Variants in STPG2 observed in about 807,000 individuals in gnomAD.
The protein encoded by STPG2 is sperm-tail PG-rich repeat-containing protein 2.
A neutral mutation model predicts 54.2 loss-of-function variants in STPG2; 56 were observed. The observed-to-expected ratio is 1.03, with a 90% CI of 0.83 to 1.29. The LOEUF is 1.29. Ranked by LOEUF, STPG2 falls within the 50% of genes most tolerant of loss-of-function variation. The probability of loss-of-function intolerance (pLI) is 0.00; values close to 1 mark genes in which losing one functional copy is unlikely to be tolerated. For synonymous variants in STPG2, 200 were observed against 181.8 expected (o/e 1.10, Z -0.81); for missense variants, 596 against 544.9 (o/e 1.09, Z -0.93).
intron 10 of STPG2, among the ~76,000 whole-genome samples, chr4:97,703,982 A>G (rs1723868686): frequency 6.6e-6 from 1 of 151,876 alleles, no homozygotes; most frequent in Non-Finnish European, 1.5e-5. Context: ...GCATGAGAGA[A>G]AGATATAGGC....
rs532021562 is a variant in STPG2, at chr4:97,815,706, G to T, written c.1204+25067C>A. On this transcript the variant is annotated intron_variant, in intron 9 of 10. Coordinates refer to ENST00000295268, the MANE Select transcript of STPG2 (RefSeq NM_174952.3). ...CTGGGAAAAGGTTAGTGCATTTTTG[G>T]TTGTACACAGGATAGCTGCACTATG... 2.6e-5 allele frequency among the ~76,000 whole-genome samples: 4 copies of T among 152,188 alleles called. No individual in the cohort carries two copies. In the South Asian group the frequency reaches 8.3e-4, roughly 32 times the overall value.
chr4:97,748,715 A>G (rs1287098990), intron 9 of STPG2, among the ~76,000 whole-genome samples: 2 of 151,640 alleles, frequency 1.3e-5, no homozygotes, highest in African/African-American at 4.8e-5. Flanking sequence ...ATATTCTAAT[A>G]GAATTTTTAT....
chr4:97,921,567 C>G (rs550191370), intron 8 of STPG2, among the ~76,000 whole-genome samples: 5 of 151,250 alleles, frequency 3.3e-5, no homozygotes, highest in African/African-American at 1.2e-4. Flanking sequence ...AATTAGTGAG[C>G]ATGAAGATAG....
intron 9 of STPG2, among the ~76,000 whole-genome samples, chr4:97,819,260 A>G (rs1728011359): frequency 6.6e-6 from 1 of 152,050 alleles, no homozygotes; most frequent in African/African-American, 2.4e-5. Context: ...GATGAACTGC[A>G]TTTTGAAACA....
chr4:97,660,786 G>A (rs561059146), intron 10 of STPG2, among the ~76,000 whole-genome samples: 7 of 152,206 alleles, frequency 4.6e-5, no homozygotes, highest in Admixed American at 6.5e-5. Flanking sequence ...ACAACGAAAT[G>A]CAGGCTCCAA....
chr4:97,952,277 G>A (rs1181939940), intron 7 of STPG2, among the ~76,000 whole-genome samples: 1 of 152,040 alleles, frequency 6.6e-6, no homozygotes. Context: ...TGGATGGGAG[G>A]AAAAAGAATT....
chr4:97,980,865 T>C (rs1416557708), intron 6 of STPG2, among the ~76,000 whole-genome samples: 1 of 152,162 alleles, frequency 6.6e-6, no homozygotes, highest in Non-Finnish European at 1.5e-5. Flanking sequence ...ATAGTTGATA[T>C]ATTATGTTGT....
intron 5 of STPG2, among the ~76,000 whole-genome samples, chr4:98,080,635 T>C (rs76879626): frequency 0.031 from 4,752 of 152,202 alleles, 109 homozygotes; most frequent in Non-Finnish European, 0.05. Flanking sequence ...AAATGATAAA[T>C]GGAGTTGGAA....
intron 9 of STPG2, among the ~76,000 whole-genome samples, chr4:97,756,735 T>C (rs891278111): frequency 2.6e-5 from 4 of 152,070 alleles, no homozygotes; most frequent in African/African-American, 4.8e-5. Flanking sequence ...CCAAGAAGCA[T>C]AGGAGCATTT....
chr4:97,720,925 G>A (rs1418930180), intron 9 of STPG2, among the ~76,000 whole-genome samples: 2 of 151,712 alleles, frequency 1.3e-5, no homozygotes, highest in Non-Finnish European at 2.9e-5. Flanking sequence ...ATCTTTGGGT[G>A]AAGGCTGCCT....
intron 10 of STPG2, among the ~76,000 whole-genome samples, chr4:97,560,572 G>A (rs777436167): frequency 6.6e-5 from 10 of 152,270 alleles, no homozygotes; most frequent in South Asian, 4.1e-4. Context: ...AAGGAGATGA[G>A]TGTCCACTGT....
intron 10 of STPG2, among the ~76,000 whole-genome samples, chr4:97,672,469 C>T (rs754403867): frequency 1.3e-5 from 2 of 152,052 alleles, no homozygotes; most frequent in African/African-American, 2.4e-5. Context: ...TGAGCCACCA[C>T]GCCCGGTCAC....
intron 9 of STPG2, among the ~76,000 whole-genome samples, chr4:97,812,532 G>A (rs1270570399): frequency 1.3e-5 from 2 of 152,052 alleles, no homozygotes; most frequent in Non-Finnish European, 2.9e-5. Flanking sequence ...ATTTGAACAT[G>A]TTGAGTTATA....
At chr4:97,537,740 T>TAGGC (rs1390562143) in intron 4 of STPG2, among the ~76,000 whole-genome samples, 1 of 152,206 alleles carries the variant, frequency 6.6e-6, no homozygotes, top group African/African-American at 2.4e-5. Context: ...ATGGACAGAC[T>TAGGC]GCCTCCTCAA....
chr4:97,899,357 T>A (rs1308397159), intron 8 of STPG2, among the ~76,000 whole-genome samples: 1 of 152,026 alleles, frequency 6.6e-6, no homozygotes, highest in African/African-American at 2.4e-5. Flanking sequence ...CCCATGCTCA[T>A]GGATAGGAAG....
intron 5 of STPG2, among the ~76,000 whole-genome samples, chr4:98,046,458 A>T (rs1737131223): frequency 6.6e-6 from 1 of 152,114 alleles, no homozygotes; most frequent in South Asian, 2.1e-4. Context: ...CAGACTGGCC[A>T]TGTGTAGGAG....
intron 4 of STPG2, among the ~76,000 whole-genome samples, chr4:97,543,392 A>G (rs577474928): frequency 8.6e-5 from 13 of 152,020 alleles, no homozygotes; most frequent in Non-Finnish European, 1.8e-4. Context: ...TTCCTACCTA[A>G]GTAGCTTCTG....
chr4:97,538,923 T>C (rs112363185), intron 4 of STPG2, among the ~76,000 whole-genome samples: 1 of 152,164 alleles, frequency 6.6e-6, no homozygotes, highest in Non-Finnish European at 1.5e-5. Context: ...CAACCCAGAA[T>C]TTCATATCCA....
intron 9 of STPG2, among the ~76,000 whole-genome samples, chr4:97,732,377 C>T (rs1029926677): frequency 5.3e-5 from 8 of 152,116 alleles, no homozygotes; most frequent in Non-Finnish European, 7.3e-5. Flanking sequence ...TGAGAGATAG[C>T]GATCCAGTTT....
Sources: allele counts gnomAD v4.1 joint callset (sites outside exome capture counted in the v4.1 genomes callset), GRCh38; gene constraint gnomAD v4.1.1; transcripts MANE v1.5; gene names NCBI Gene and HGNC (gene_info 2026-07-23, HGNC 2026-07-21).